GALNTL6: variants seen among roughly 807,000 people sequenced by gnomAD.
GALNTL6 encodes polypeptide N-acetylgalactosaminyltransferase-like 6.
GALNTL6 carries 46 observed loss-of-function variants against 73.7 expected under a neutral mutation model. That is an observed-to-expected ratio of 0.62 (90% CI 0.49 to 0.80). The LOEUF is 0.80. Among genes scored for constraint, GALNTL6 ranks in the 30% least tolerant of loss-of-function variants. The probability of loss-of-function intolerance (pLI) is 0.00; values close to 1 mark genes in which losing one functional copy is unlikely to be tolerated. For synonymous variants in GALNTL6, 259 were observed against 263.7 expected (o/e 0.98, Z 0.17); for missense variants, 604 against 755.0 (o/e 0.80, Z 2.34).
At chr4:171,972,394 A>G (rs1044019219) in intron 2 of GALNTL6, among the ~76,000 whole-genome samples, 18 of 152,104 alleles carry the variant, frequency 1.2e-4, no homozygotes, top group Admixed American at 9.8e-4. Context: ...GCTAAGCAAT[A>G]TGTTTATTAC....
In GALNTL6 at chr4:172,744,189, A is replaced by T. The variant is rs531335648; in HGVS notation, c.554-65172A>T. On this transcript the variant is annotated intron_variant, in intron 5 of 12. Coordinates refer to ENST00000506823, the MANE Select transcript of GALNTL6 (RefSeq NM_001034845.3). Reference sequence around the variant, plus strand: ...AACTGACTGTTAGACAAAGGTTAACATTCCATTTACCATCTGACTTCTGTA... The same window carrying T: ...AACTGACTGTTAGACAAAGGTTAACTTTCCATTTACCATCTGACTTCTGTA... Among the ~76,000 whole-genome samples, 16 of 152,250 alleles carry T rather than the reference A, an allele frequency of 1.1e-4. No homozygotes were observed. The East Asian group carries it at 3.1e-3, about 29-fold the overall frequency.
intron 2 of GALNTL6, among the ~76,000 whole-genome samples, chr4:171,840,373 G>A (rs964217047): frequency 2.0e-4 from 30 of 150,998 alleles, no homozygotes; most frequent in African/African-American, 4.2e-4. Flanking sequence ...TCATACATGC[G>A]GAAATAAACA....
chr4:172,490,569 C>T (rs997222754), intron 5 of GALNTL6, among the ~76,000 whole-genome samples: 8 of 152,102 alleles, frequency 5.3e-5, no homozygotes, highest in Non-Finnish European at 7.4e-5. Flanking sequence ...TATTTGGATG[C>T]TCATGCTACT....
chr4:171,818,355 A>T (rs1038809648), intron 2 of GALNTL6, among the ~76,000 whole-genome samples: 3 of 151,932 alleles, frequency 2.0e-5, no homozygotes, highest in Non-Finnish European at 4.4e-5. Context: ...ATACATTTTT[A>T]AAAACCCCAA....
chr4:171,904,061 A>G (rs1737194124), intron 2 of GALNTL6, among the ~76,000 whole-genome samples: 1 of 152,130 alleles, frequency 6.6e-6, no homozygotes, highest in African/African-American at 2.4e-5. Flanking sequence ...GAGCAGAAAA[A>G]CTGGAAACTC....
chr4:172,374,971 G>T (rs556853902), intron 5 of GALNTL6, among the ~76,000 whole-genome samples: 19 of 152,274 alleles, frequency 1.2e-4, no homozygotes, highest in Admixed American at 5.2e-4. Context: ...CATGTACCTG[G>T]GTTGGGCCAA....
intron 2 of GALNTL6, among the ~76,000 whole-genome samples, chr4:172,087,658 A>G (rs1732088193): frequency 6.6e-6 from 1 of 151,834 alleles, no homozygotes; most frequent in African/African-American, 2.4e-5. Context: ...AATATATACT[A>G]TTACCTCATG....
At chr4:172,755,134 T>C (rs185130269) in intron 5 of GALNTL6, among the ~76,000 whole-genome samples, 2 of 152,256 alleles carry the variant, frequency 1.3e-5, no homozygotes, top group East Asian at 1.9e-4. Context: ...TTGCAGATTC[T>C]ACTACATCAT....
intron 4 of GALNTL6, among the ~76,000 whole-genome samples, chr4:172,331,539 C>T (rs982050911): frequency 6.6e-6 from 1 of 152,184 alleles, no homozygotes; most frequent in African/African-American, 2.4e-5. Flanking sequence ...AGCTTCCCAG[C>T]TCCTGTCCCT....
intron 5 of GALNTL6, among the ~76,000 whole-genome samples, chr4:172,364,983 C>T (rs887374240): frequency 6.6e-6 from 1 of 152,118 alleles, no homozygotes; most frequent in African/African-American, 2.4e-5. Flanking sequence ...TTGTTTTTGT[C>T]ACTGCTATTT....
chr4:172,174,201 G>A (rs540527448), intron 2 of GALNTL6, among the ~76,000 whole-genome samples: 3 of 152,214 alleles, frequency 2.0e-5, no homozygotes, highest in African/African-American at 7.2e-5. Flanking sequence ...GGAGAAAAGT[G>A]GACGGATCAG....
intron 5 of GALNTL6, among the ~76,000 whole-genome samples, chr4:172,439,145 C>T (rs1731739523): frequency 6.8e-6 from 1 of 147,914 alleles, no homozygotes; most frequent in South Asian, 2.1e-4. Flanking sequence ...ACACTTCATC[C>T]TCCAGCTACC....
intron 2 of GALNTL6, among the ~76,000 whole-genome samples, chr4:171,985,756 ATG>A (rs201093940): frequency 6.6e-6 from 1 of 151,268 alleles, no homozygotes; most frequent in Non-Finnish European, 1.5e-5. Context: ...ATATATATAT[ATG>A]CTTTTTCAAA....
At chr4:172,194,038 T>C (rs1735670254) in intron 2 of GALNTL6, among the ~76,000 whole-genome samples, 1 of 152,158 alleles carries the variant, frequency 6.6e-6, no homozygotes, top group African/African-American at 2.4e-5. Flanking sequence ...AACAAACTTC[T>C]TTGAGCTACA....
chr4:172,621,188 G>T (rs1307627831), intron 5 of GALNTL6, among the ~76,000 whole-genome samples: 1 of 152,120 alleles, frequency 6.6e-6, no homozygotes, highest in Non-Finnish European at 1.5e-5. Context: ...TTCCACCTCA[G>T]CCTCCTAAGT....
intron 10 of GALNTL6, among the ~76,000 whole-genome samples, chr4:172,975,390 C>G (rs1398676127): frequency 2.0e-5 from 3 of 151,802 alleles, no homozygotes; most frequent in Non-Finnish European, 2.9e-5. Flanking sequence ...GCTGGTAGTC[C>G]CCACATCTGT....
intron 5 of GALNTL6, among the ~76,000 whole-genome samples, chr4:172,579,840 AGGAAG>A: frequency 2.2e-5 from 3 of 139,428 alleles, no homozygotes; most frequent in Non-Finnish European, 3.1e-5. Flanking sequence ...GAAGGAGGGA[AGGAAG>A]GAAAGAAAGA....
At chr4:172,799,182 T>C (rs922568989) in intron 5 of GALNTL6, among the ~76,000 whole-genome samples, 7 of 152,118 alleles carry the variant, frequency 4.6e-5, no homozygotes, top group Admixed American at 1.3e-4. Flanking sequence ...ACCACACAGC[T>C]AAGATGAGAA....
chr4:172,092,473 T>G (rs1379801284), intron 2 of GALNTL6, among the ~76,000 whole-genome samples: 1 of 152,146 alleles, frequency 6.6e-6, no homozygotes. Context: ...CTCTGGATCA[T>G]GCTAAAGTTA....
Sources: gnomAD v4.1 joint callset for allele counts (sites outside exome capture counted in the v4.1 genomes callset) on GRCh38, gnomAD v4.1.1 for gene constraint, MANE v1.5 for transcripts, NCBI Gene and HGNC (gene_info 2026-07-23, HGNC 2026-07-21) for gene names.